INVS: variants seen among roughly 807,000 people sequenced by gnomAD.
The protein encoded by INVS is inversion of embryo turning homolog.
In INVS, 86 loss-of-function variants were observed where a neutral mutation model predicts 108.8. The ratio of observed to expected loss-of-function variants is 0.79; its 90% CI spans 0.66 to 0.95. The LOEUF is 0.95. INVS is among the 40% of genes least tolerant of loss of function. INVS has a pLI of 0.00. For synonymous variants in INVS, 455 were observed against 473.5 expected, an observed-to-expected ratio of 0.96 and a Z score of 0.51; for missense variants, 1,169 against 1,297.4, an observed-to-expected ratio of 0.90 and a Z score of 1.52.
At chr9:100,247,709 C>T (rs897042013) in intron 8 of INVS, among the ~76,000 whole-genome samples, 5 of 151,790 alleles carry the variant, frequency 3.3e-5, no homozygotes, top group Non-Finnish European at 5.9e-5. Flanking sequence ...ACAACCACAG[C>T]CTCAAAAAAA....
chr9:100,125,452 C>A (rs1827852548), intron 2 of INVS, among the ~76,000 whole-genome samples: 1 of 152,126 alleles, frequency 6.6e-6, no homozygotes, highest in Non-Finnish European at 1.5e-5. Flanking sequence ...GCTACTGTAG[C>A]CCATAATGGG....
chr9:100,166,290 G>T (rs1313482447), intron 3 of INVS, among the ~76,000 whole-genome samples: 1 of 152,076 alleles, frequency 6.6e-6, no homozygotes, highest in Non-Finnish European at 1.5e-5. Context: ...AGGATGAGGG[G>T]TTGAGCCCAG....
chr9:100,287,849 G>A (rs776945074), intron 13 of INVS, among the ~76,000 whole-genome samples: 206 of 152,122 alleles, frequency 1.4e-3, no homozygotes, highest in Non-Finnish European at 4.3e-4. Context: ...CCCTATCTCA[G>A]TACCCCAAAA....
chr9:100,297,523 T>C (rs146818178), intron 15 of INVS, among the ~76,000 whole-genome samples: 5 of 152,282 alleles, frequency 3.3e-5, no homozygotes, highest in African/African-American at 9.6e-5. Flanking sequence ...CTGTATCACT[T>C]TGACTTTTCC....
At chr9:100,107,538 C>A (rs571429752) in intron 2 of INVS, among the ~76,000 whole-genome samples, 1 of 152,322 alleles carries the variant, frequency 6.6e-6, no homozygotes, top group Admixed American at 6.5e-5. Context: ...GTGTCTCACA[C>A]CTGCCAAGCC....
Position 100,302,080 on chromosome 9 carries a change from A to G in INVS, c.*1406A>G. 1.6e-6 allele frequency: 1 copy of G among 635,066 alleles called. No individual in the cohort carries two copies. The highest frequency in any genetic ancestry group is 2.6e-6 in the Non-Finnish European group (1 of 388,038). 39.3% of individuals were successfully genotyped at this position (635,066 alleles called of 1,614,324 possible). On this transcript the variant is annotated 3_prime_UTR_variant, in exon 17 of 17. Transcript: ENST00000262457. ...ATCAGTGCAAAGAAAGAAGGTTCGT[A>G]AACTTCTTTAAAAGTTCAGCTTTAA...
chr9:100,143,125 G>A (rs950610253), intron 3 of INVS, among the ~76,000 whole-genome samples: 17 of 152,138 alleles, frequency 1.1e-4, no homozygotes, highest in Admixed American at 2.6e-4. Context: ...ACAAGTGAAA[G>A]CGAAGAGAGG....
At chr9:100,147,949 C>T (rs139731695) in intron 3 of INVS, among the ~76,000 whole-genome samples, 354 of 131,150 alleles carry the variant, frequency 2.7e-3, no homozygotes, top group Middle Eastern at 0.011. Context: ...TTTGGGAGGC[C>T]AAAACAGGGG....
At chr9:100,108,507 A>G (rs1373078349) in intron 2 of INVS, among the ~76,000 whole-genome samples, 1 of 152,216 alleles carries the variant, frequency 6.6e-6, no homozygotes, top group Admixed American at 6.5e-5. Context: ...TTTTCTATGC[A>G]TATGAATGCC....
chr9:100,167,634 A>G (rs1471354220), intron 3 of INVS, among the ~76,000 whole-genome samples: 1 of 152,194 alleles, frequency 6.6e-6, no homozygotes, highest in African/African-American at 2.4e-5. Flanking sequence ...AAAATACTAT[A>G]TATTTTACTT....
At chr9:100,140,860 T>G (rs2118946883) in intron 3 of INVS, among the ~76,000 whole-genome samples, 1 of 152,176 alleles carries the variant, frequency 6.6e-6, no homozygotes, top group Non-Finnish European at 1.5e-5. Context: ...TTTGTATGAA[T>G]TGAAAAACTA....
intron 3 of INVS, among the ~76,000 whole-genome samples, chr9:100,153,924 G>A (rs1828885218): frequency 6.6e-6 from 1 of 152,186 alleles, no homozygotes; most frequent in East Asian, 1.9e-4. Context: ...CTGTCATAAC[G>A]ATGATTAAAT....
At chr9:100,224,437 A>G (rs2118391071) in intron 3 of INVS, among the ~76,000 whole-genome samples, 1 of 152,300 alleles carries the variant, frequency 6.6e-6, no homozygotes, top group African/African-American at 2.4e-5. Context: ...TATCTGAGGT[A>G]CCAAGCACAT....
At chr9:100,292,077 T>A (rs1405736199) in intron 13 of INVS, among the ~76,000 whole-genome samples, 1 of 152,208 alleles carries the variant, frequency 6.6e-6, no homozygotes, top group East Asian at 1.9e-4. Flanking sequence ...AGAGTTCCTT[T>A]ATTTTCTTAA....
chr9:100,192,356 A>G (rs1054666118), intron 3 of INVS, among the ~76,000 whole-genome samples: 5 of 151,916 alleles, frequency 3.3e-5, no homozygotes, highest in African/African-American at 1.2e-4. Flanking sequence ...ATTTATCCAT[A>G]TTGTTGCACA....
chr9:100,270,904 A>G (rs551248629), intron 11 of INVS, among the ~76,000 whole-genome samples: 1 of 151,890 alleles, frequency 6.6e-6, no homozygotes, highest in Non-Finnish European at 1.5e-5. Context: ...AGCCTGGGCA[A>G]CAGAGTGAGA....
At chr9:100,295,269 T>TC (rs748892795) in intron 14 of INVS, among the ~76,000 whole-genome samples, 1 of 151,932 alleles carries the variant, frequency 6.6e-6, no homozygotes, top group South Asian at 2.1e-4. Flanking sequence ...CTTCAGTCAT[T>TC]CCCCCAAGAA....
At chr9:100,203,277 T>A (rs1008370826) in intron 3 of INVS, among the ~76,000 whole-genome samples, 1 of 152,168 alleles carries the variant, frequency 6.6e-6, no homozygotes, top group African/African-American at 2.4e-5. Context: ...TGTTACTCAT[T>A]CTCAATCTTT....
At chr9:100,265,869 G>C (rs1832775390) in intron 11 of INVS, among the ~76,000 whole-genome samples, 1 of 152,296 alleles carries the variant, frequency 6.6e-6, no homozygotes, top group Non-Finnish European at 1.5e-5. Flanking sequence ...CTGAGGTCAG[G>C]AGTTCGAAAC....
Sources: gnomAD v4.1 joint callset for allele counts (sites outside exome capture counted in the v4.1 genomes callset) on GRCh38, gnomAD v4.1.1 for gene constraint, MANE v1.5 for transcripts, NCBI Gene and HGNC (gene_info 2026-07-23, HGNC 2026-07-21) for gene names.